ZNF541: variants seen among roughly 807,000 people sequenced by gnomAD.
The protein encoded by ZNF541 is zinc finger protein 541.
A neutral mutation model predicts 123.5 loss-of-function variants in ZNF541; 23 were observed. That is an observed-to-expected ratio of 0.19 (90% CI 0.13 to 0.26). ZNF541 has a LOEUF of 0.26. ZNF541 is among the 10% of genes least tolerant of loss of function. ZNF541 has a pLI of 1.00. For missense variants in ZNF541, 1,612 were observed against 1,789.9 expected, an observed-to-expected ratio of 0.90 and a Z score of 1.79; for synonymous variants, 751 against 754.5, an observed-to-expected ratio of 1.00 and a Z score of 0.08.
intron 9 of ZNF541, among the ~76,000 whole-genome samples, chr19:47,536,191 C>T (rs978041121): frequency 5.3e-5 from 8 of 152,212 alleles, no homozygotes; most frequent in African/African-American, 1.7e-4. Context: ...TGCCCTCATT[C>T]CGGTAAATCC....
At chr19:47,533,704 G>A (rs376540296) in intron 9 of ZNF541, among the ~76,000 whole-genome samples, 4 of 152,074 alleles carry the variant, frequency 2.6e-5, no homozygotes, top group Non-Finnish European at 4.4e-5. Flanking sequence ...TTGGCTGGGC[G>A]TGGTGGAATG....
rs548888520 is a variant in ZNF541, at chr19:47,534,663, A to G, written c.3095-1691T>C. Among the ~76,000 whole-genome samples, 15 of 151,778 alleles carry G rather than the reference A, an allele frequency of 9.9e-5. No homozygotes were observed. The South Asian group carries it at 1.0e-3, about 11-fold the overall frequency. ...CTGTCTCAAAAAAAAACCCCTCCAA[A>G]CCACCCCCCCAAAACAAAAAAACAA... On this transcript the variant is annotated intron_variant, in intron 9 of 16. Transcript: ENST00000391901.
chr19:47,564,614 C>T (rs1284714869), intron 2 of ZNF541, among the ~76,000 whole-genome samples: 2 of 152,186 alleles, frequency 1.3e-5, no homozygotes, highest in African/African-American at 4.8e-5. Context: ...TGGGATACCA[C>T]CTTACTCCTG....
At chr19:47,547,418 G>C (rs920106245) in intron 4 of ZNF541, among the ~76,000 whole-genome samples, 1 of 152,174 alleles carries the variant, frequency 6.6e-6, no homozygotes, top group Non-Finnish European at 1.5e-5. Flanking sequence ...AATATAAGCA[G>C]AGGAGTACAT....
At chr19:47,541,378 C>G (rs1340732321) in intron 5 of ZNF541, among the ~76,000 whole-genome samples, 2 of 152,010 alleles carry the variant, frequency 1.3e-5, no homozygotes. Context: ...GATCGTACAA[C>G]TTCACTCCAG....
At chr19:47,522,652 C>A (rs1568479044) in intron 14 of ZNF541, among the ~76,000 whole-genome samples, 1 of 151,962 alleles carries the variant, frequency 6.6e-6, no homozygotes, top group Non-Finnish European at 1.5e-5. Context: ...AAAAATTAGC[C>A]AGTCATGGTG....
chr19:47,563,716 CTT>C (rs1160957151), intron 2 of ZNF541, among the ~76,000 whole-genome samples: 1 of 152,170 alleles, frequency 6.6e-6, no homozygotes, highest in African/African-American at 2.4e-5. Context: ...AAGCAATTCT[CTT>C]GTCTCAGCCT....
Position 47,521,272 on chromosome 19 carries a change from C to G in ZNF541, c.3993G>C (p.Gln1331His). The G allele has an allele frequency of 1.9e-6, 3 of 1,551,754 alleles. No homozygotes were observed. The South Asian group carries it at 3.6e-5, about 18-fold the overall frequency. Residue 1331 changes from glutamine to histidine, a missense_variant, in exon 17 of 17, where the codon CAG becomes CAC. By Grantham distance (24) the Gln-to-His change is conservative (BLOSUM62 0). Around this residue, in one of 5 missense-constraint regions of ZNF541, gnomAD observed 30 missense variants for 48.9 expected, o/e 0.61. Coordinates refer to ENST00000391901, the MANE Select transcript of ZNF541 (RefSeq NM_001277075.3). This position sits in a 1 kb window ranked among gnomAD's most constrained non-coding sequence, Gnocchi z 4.2. ...IRVKWPVKPF[Q>H]LKEEELGADI... ...CAGCTCCCAGCTCCTCTTCCTTTAG[C>G]TGGAAGGGCTTCACTGGCCACTTCA...
At chr19:47,537,936 C>G (rs1415234092) in intron 9 of ZNF541, among the ~76,000 whole-genome samples, 1 of 152,116 alleles carries the variant, frequency 6.6e-6, no homozygotes, top group Non-Finnish European at 1.5e-5. Context: ...TAAATGGCCT[C>G]TACGTTTTCT....
intron 2 of ZNF541, among the ~76,000 whole-genome samples, chr19:47,563,179 G>A (rs866224385): frequency 1.3e-5 from 2 of 152,180 alleles, no homozygotes; most frequent in Non-Finnish European, 2.9e-5. Flanking sequence ...ATACAGGTAC[G>A]TAATCCCATA....
At chr19:47,527,207 G>A (rs150397339) in intron 14 of ZNF541, among the ~76,000 whole-genome samples, 7 of 152,346 alleles carry the variant, frequency 4.6e-5, no homozygotes, top group African/African-American at 1.4e-4. Flanking sequence ...TATGTGGCAG[G>A]AGGAGATTCA....
chr19:47,545,317 G>T lies in ZNF541; in HGVS notation c.1212C>A (p.Ala404=). ...AGCTGTGGCTCGATGGCTGGGAACTGGCAGGGACCGTCTGGCCTCGGAAGA... is the reference window on the plus strand; with the variant it reads ...AGCTGTGGCTCGATGGCTGGGAACTTGCAGGGACCGTCTGGCCTCGGAAGA... ...LPLFRGQTVP[A]SSQPSSHSFQ... is the part of the protein sequence containing the mutation. The change falls in exon 5 of 17, where the codon GCC becomes GCA. Residue 404 remains alanine, a synonymous_variant. Transcript: ENST00000391901. This position sits in a 1 kb window ranked among gnomAD's most constrained non-coding sequence, Gnocchi z 7.5. 2.6e-6 allele frequency: 4 copies of T among 1,549,048 alleles called. No homozygotes were observed. Among genetic ancestry groups the T allele is most frequent in the African/African-American group, 2.7e-5 (2 of 73,146 alleles).
At chr19:47,525,172 C>G (rs897564103) in intron 14 of ZNF541, among the ~76,000 whole-genome samples, 3 of 151,984 alleles carry the variant, frequency 2.0e-5, no homozygotes, top group African/African-American at 7.3e-5. Context: ...GTAATCCCAG[C>G]TACTCGGGAG....
At chr19:47,550,219 T>C (rs1456460741) in intron 3 of ZNF541, among the ~76,000 whole-genome samples, 1 of 150,886 alleles carries the variant, frequency 6.6e-6, no homozygotes, top group African/African-American at 2.4e-5. Flanking sequence ...ACCACTGCAC[T>C]CTAGCCTGGG....
At chr19:47,541,558 T>G (rs899603347) in intron 5 of ZNF541, among the ~76,000 whole-genome samples, 1 of 152,038 alleles carries the variant, frequency 6.6e-6, no homozygotes, top group African/African-American at 2.4e-5. Context: ...TATAGAGAAC[T>G]CAAAAAATAG....
rs767592730 is a variant in ZNF541 at position 47,540,291 on chromosome 19, C to CTCCTGGGCTTCG, written c.2495_2506dup (p.Thr832_Arg835dup). ...GCTGCAGTTCTTGCAGACAAAAGTG[C>CTCCTGGGCTTCG]TCCTGGGCTTCGTCCAGTCTGTGGG... On this transcript the variant is annotated inframe_insertion, in exon 7 of 17. Coordinates refer to ENST00000391901, the MANE Select transcript of ZNF541 (RefSeq NM_001277075.3). The CTCCTGGGCTTCG allele has an allele frequency of 8.7e-5, 135 of 1,552,010 alleles. No homozygotes were observed. The highest frequency in any genetic ancestry group is 6.7e-4 in the Middle Eastern group (4 of 6,014).
rs887403596 is a variant in ZNF541 at position 47,521,817 on chromosome 19, G to A, written c.3711+37C>T. On this transcript the variant is annotated intron_variant, in intron 15 of 16. Transcript: ENST00000391901. This position sits in a 1 kb window ranked among gnomAD's most constrained non-coding sequence, Gnocchi z 4.2. ...CTCAACGGGTAGCAGGCACTGGGAG[G>A]AGAGAAGAGCTCCCGACACAGCCCT... The A allele has an allele frequency of 1.7e-5, 27 of 1,544,882 alleles. No homozygotes were observed. The East Asian group carries it at 3.4e-4, about 20-fold the overall frequency.
intron 14 of ZNF541, among the ~76,000 whole-genome samples, chr19:47,528,169 G>A (rs984419462): frequency 1.2e-4 from 17 of 146,128 alleles, no homozygotes; most frequent in African/African-American, 4.2e-4. Flanking sequence ...TACAAAATTA[G>A]CTGGGCATGG....
intron 3 of ZNF541, 84 bp downstream of exon 3, chr19:47,555,466 C>A: frequency 7.3e-7 from 1 of 1,373,928 alleles, no homozygotes; most frequent in East Asian, 2.6e-5. Flanking sequence ...TTTTCTTAAC[C>A]AATCCATGCA....
Sources: allele counts gnomAD v4.1 joint callset (sites outside exome capture counted in the v4.1 genomes callset), GRCh38; gene constraint gnomAD v4.1.1; regional missense constraint gnomAD v4.1.1; non-coding constraint Gnocchi (gnomAD v3.1); transcripts MANE v1.5; gene names NCBI Gene and HGNC (gene_info 2026-07-23, HGNC 2026-07-21).